Variants in AREL1 observed in about 807,000 individuals in gnomAD.
AREL1 encodes apoptosis resistant E3 ubiquitin protein ligase 1, also known as apoptosis-resistant E3 ubiquitin protein ligase 1.
In AREL1, 62 loss-of-function variants were observed where a neutral mutation model predicts 99.0. The ratio of observed to expected loss-of-function variants is 0.63; its 90% CI spans 0.51 to 0.77. AREL1 has a LOEUF of 0.77. Among genes scored for constraint, AREL1 ranks in the 30% least tolerant of loss-of-function variants. AREL1 has a pLI of 0.00. For missense variants in AREL1, 879 were observed against 1,027.6 expected (o/e 0.86, Z 1.98); for synonymous variants, 380 against 376.5 (o/e 1.01, Z -0.11).
intron 5 of AREL1, among the ~76,000 whole-genome samples, chr14:74,677,541 C>T (rs548241712): frequency 8.6e-6 from 1 of 116,598 alleles, no homozygotes. Context: ...GAGTCACGCT[C>T]TGTCACCCAA....
chr14:74,683,574 G>A (rs1247493137), intron 4 of AREL1, 41 bp from the exon 5 acceptor site: 9 of 1,586,766 alleles, frequency 5.7e-6, no homozygotes, highest in Admixed American at 3.4e-5. Context: ...GCAAGCAGAG[G>A]AAAAAAACAT....
intron 3 of AREL1, 147 bp from the exon 4 acceptor site, chr14:74,684,827 T>C: frequency 1.5e-6 from 1 of 684,772 alleles, no homozygotes; most frequent in Non-Finnish European, 2.5e-6. Flanking sequence ...GGGCACTACC[T>C]CTGTAGATAA....
At chr14:74,667,926 A>G (rs552603712) in intron 15 of AREL1, among the ~76,000 whole-genome samples, 1 of 152,378 alleles carries the variant, frequency 6.6e-6, no homozygotes, top group East Asian at 1.9e-4. Context: ...AAATGAAACC[A>G]CTATTGACCT....
intron 17 of AREL1, among the ~76,000 whole-genome samples, chr14:74,666,516 A>C (rs911935223): frequency 6.6e-6 from 1 of 152,216 alleles, no homozygotes; most frequent in Admixed American, 6.5e-5. Flanking sequence ...CTTTTGAAAT[A>C]TGATCTCATC....
chr14:74,671,494 G>A lies in AREL1; in HGVS notation c.1423-11C>T, dbSNP rs1201531949. ...AGTGGCTTTCAGAGACTGAAAAGAA[G>A]TGAAAGGAAGGGAATTGTCAGAACA... is the stretch of plus-strand genomic sequence containing the variant. On this transcript the variant is annotated splice_polypyrimidine_tract_variant and intron_variant, in intron 11 of 19. Coordinates refer to ENST00000356357, the MANE Select transcript of AREL1 (RefSeq NM_001039479.2). 2 of 1,576,494 alleles carry A rather than the reference G, an allele frequency of 1.3e-6. No homozygotes were observed. The highest frequency in any genetic ancestry group is 8.6e-7 in the Non-Finnish European group (1 of 1,157,748).
chr14:74,686,713 A>G (rs751347586), intron 2 of AREL1, among the ~76,000 whole-genome samples: 15 of 152,162 alleles, frequency 9.9e-5, no homozygotes, highest in Non-Finnish European at 2.2e-4. Flanking sequence ...AGTTCCTCTG[A>G]TAACAATATA....
chr14:74,697,934 G>A (rs1327353768), intron 1 of AREL1, among the ~76,000 whole-genome samples: 2 of 152,136 alleles, frequency 1.3e-5, no homozygotes, highest in African/African-American at 4.8e-5. Context: ...AGAAGCCAGA[G>A]GATAAATGAC....
Position 74,663,966 on chromosome 14 carries a change from C to T in AREL1, c.2302G>A (p.Ala768Thr), listed in dbSNP as rs370313422. Residue 768 changes from alanine to threonine, a missense_variant, in exon 19 of 20, where the codon GCC (alanine) becomes ACC (threonine). Coordinates refer to ENST00000356357, the MANE Select transcript of AREL1 (RefSeq NM_001039479.2). ...ATAATCTGAAATGAGGGACAGAGGG[C>T]GGCAAAGCCTCCAGGTGGTAGCTGA... ...SSQLPPGGFA[A>T]LCPSFQIIAA... The T allele has an allele frequency of 6.8e-5, 110 of 1,614,120 alleles. No individual in the cohort carries two copies. The South Asian group carries it at 7.4e-4, about 11-fold the overall frequency.
chr14:74,687,426 G>C (rs1383577282), intron 2 of AREL1, among the ~76,000 whole-genome samples: 4 of 152,232 alleles, frequency 2.6e-5, no homozygotes, highest in South Asian at 2.1e-4. Flanking sequence ...GCTGTAAAAA[G>C]AGTTGCAATT....
At chr14:74,681,829 A>G (rs2089636363) in intron 5 of AREL1, among the ~76,000 whole-genome samples, 1 of 152,070 alleles carries the variant, frequency 6.6e-6, no homozygotes, top group East Asian at 1.9e-4. Flanking sequence ...GTGGCTGTAA[A>G]AGGGCAACAT....
intron 1 of AREL1, among the ~76,000 whole-genome samples, chr14:74,694,530 T>C (rs2089943020): frequency 6.6e-6 from 1 of 152,232 alleles, no homozygotes; most frequent in South Asian, 2.1e-4. Context: ...TACGGAATTA[T>C]AAATAATTTT....
At chr14:74,665,521 G>A (rs1238585959) in intron 17 of AREL1, among the ~76,000 whole-genome samples, 3 of 152,106 alleles carry the variant, frequency 2.0e-5, no homozygotes, top group Non-Finnish European at 4.4e-5. Flanking sequence ...GAATATCAAG[G>A]AGAAAAGGCA....
At position 74,675,789 on chromosome 14, in the gene AREL1, A is replaced by T. The variant is rs2089456840; in HGVS notation, c.990T>A (p.Val330=). ...TSSQRRPSTA[V]DEEDEDSPSE... is the part of the protein sequence containing the mutation. ...AGGGCGAGTCTTCATCTTCCTCGTC[A>T]ACAGCAGTGGATGGCCGGCGCTGGG... Residue 330 remains valine (V), a synonymous_variant, in exon 8 of 20, where the codon GTT becomes GTA. Transcript: ENST00000356357. 6.2e-7 allele frequency: 1 copy of T among 1,614,198 alleles called. No individual in the cohort carries two copies. The highest frequency in any genetic ancestry group is 8.5e-7 in the Non-Finnish European group (1 of 1,180,038).
chr14:74,669,518 C>G, intron 15 of AREL1, 131 bp downstream of exon 15: 1 of 1,155,074 alleles, frequency 8.7e-7, no homozygotes, highest in Non-Finnish European at 1.2e-6. Context: ...ATTATGTCAC[C>G]CACATTTTGG....
rs376182850 is a variant in AREL1, at chr14:74,671,194, CA to C, written c.1498+213del. On this transcript the variant is annotated intron_variant, in intron 12 of 19. Transcript: ENST00000356357. ...CAAGTCCCTGTATGTCTGTGTACCA[CA>C]AGCTCCTCAATGCCATCCTGGCCAG... Among the ~76,000 whole-genome samples, 561 of 151,930 alleles carry C rather than the reference CA, an allele frequency of 3.7e-3. 1 individual carries two copies. The highest frequency in any genetic ancestry group is 0.013 in the African/African-American group (541 of 41,416).
chr14:74,670,885 T>C lies in AREL1; in HGVS notation c.1499-14A>G, dbSNP rs770653134. Reference sequence around the variant, plus strand: ...CCCAGTCCAGAGCTGAAAAGCATAATGAAAATAAAAAATGACTCTGCCCTC... The same window carrying C: ...CCCAGTCCAGAGCTGAAAAGCATAACGAAAATAAAAAATGACTCTGCCCTC... On this transcript the variant is annotated splice_polypyrimidine_tract_variant and intron_variant, in intron 12 of 19. Transcript: ENST00000356357. 9 of 1,612,216 alleles carry C rather than the reference T, an allele frequency of 5.6e-6. No homozygotes were observed. Among genetic ancestry groups the C allele is most frequent in the South Asian group, 1.1e-5 (1 of 90,912 alleles).
intron 6 of AREL1, 76 bp from the exon 7 acceptor site, chr14:74,676,397 G>C: frequency 5.9e-6 from 9 of 1,520,708 alleles, no homozygotes; most frequent in African/African-American, 1.4e-5. Context: ...CTTACAAAGA[G>C]CTTTCCTATC....
intron 1 of AREL1, among the ~76,000 whole-genome samples, chr14:74,695,131 G>A (rs2089960494): frequency 6.7e-6 from 1 of 149,454 alleles, no homozygotes; most frequent in African/African-American, 2.5e-5. Context: ...GAGTGCACTG[G>A]CATGATCTTG....
Position 74,676,535 on chromosome 14 carries a change from A to G in AREL1, c.651+48T>C, listed in dbSNP as rs376251237. On this transcript the variant is annotated intron_variant, in intron 6 of 19. Coordinates refer to ENST00000356357, the MANE Select transcript of AREL1 (RefSeq NM_001039479.2). ...AATTAGGTGTGAGAATAACAGAGAA[A>G]GGAGCCAGCTCTCTCTAGCACACAG... 1.0e-5 allele frequency: 16 copies of G among 1,574,846 alleles called. No individual in the cohort carries two copies. In the South Asian group the frequency reaches 1.5e-4, roughly 15 times the overall value.
Sources: allele counts gnomAD v4.1 joint callset (sites outside exome capture counted in the v4.1 genomes callset), GRCh38; gene constraint gnomAD v4.1.1; transcripts MANE v1.5; gene names NCBI Gene and HGNC (gene_info 2026-07-23, HGNC 2026-07-21).